The following MYO18B variants were observed in gnomAD, a reference collection of about 807,000 sequenced individuals.
MYO18B encodes the protein unconventional myosin-XVIIIb.
Under a neutral mutation model 273.0 loss-of-function variants are expected in MYO18B, and 204 were observed. The observed-to-expected ratio is 0.75, with a 90% CI of 0.67 to 0.84. The LOEUF (loss-of-function observed/expected upper bound fraction) is 0.84. Among genes scored for constraint, MYO18B ranks in the 40% least tolerant of loss-of-function variants. MYO18B has a pLI of 0.00. For synonymous variants in MYO18B, 1,330 were observed against 1,305.7 expected, an observed-to-expected ratio of 1.02 and a Z score of -0.40; for missense variants, 3,212 against 3,287.6, an observed-to-expected ratio of 0.98 and a Z score of 0.56.
intron 15 of MYO18B, among the ~76,000 whole-genome samples, chr22:25,830,933 A>AT (rs1424801881): frequency 6.6e-6 from 1 of 152,160 alleles, no homozygotes. Context: ...TGTAACAGCT[A>AT]TTTTATTTTT....
At chr22:25,760,431 A>C (rs972826597) in intron 1 of MYO18B, among the ~76,000 whole-genome samples, 1 of 149,884 alleles carries the variant, frequency 6.7e-6, no homozygotes, top group Admixed American at 6.7e-5. Context: ...AAAAAAAAAA[A>C]AAACACAAAA....
intron 11 of MYO18B, among the ~76,000 whole-genome samples, chr22:25,795,933 T>C (rs2087888384): frequency 6.6e-6 from 1 of 152,186 alleles, no homozygotes; most frequent in Non-Finnish European, 1.5e-5. Flanking sequence ...GATACTAATT[T>C]GCTGTGTGAC....
At chr22:25,935,002 C>A (rs2092558436) in intron 34 of MYO18B, among the ~76,000 whole-genome samples, 1 of 152,058 alleles carries the variant, frequency 6.6e-6, no homozygotes, top group Non-Finnish European at 1.5e-5. Context: ...GGTGTGTTTT[C>A]TTTTTAGCAA....
chr22:25,892,681 T>G (rs1223289597), intron 27 of MYO18B: 2 of 152,188 alleles, frequency 1.3e-5, no homozygotes, highest in Non-Finnish European at 2.9e-5. Context: ...TCTGTTTCAT[T>G]CTTGTTCTTG....
intron 11 of MYO18B, among the ~76,000 whole-genome samples, chr22:25,786,230 A>C (rs1451958805): frequency 1.3e-5 from 2 of 152,176 alleles, no homozygotes; most frequent in East Asian, 3.8e-4. Context: ...GGAGACACAG[A>C]CTTGGAAATT....
intron 39 of MYO18B, among the ~76,000 whole-genome samples, chr22:25,987,283 T>A (rs1306480787): frequency 6.6e-6 from 1 of 152,228 alleles, no homozygotes; most frequent in East Asian, 1.9e-4. Context: ...GAGATGATTT[T>A]AATTGCAGCC....
intron 11 of MYO18B, among the ~76,000 whole-genome samples, chr22:25,792,492 C>CTTTTTTTTTTTTTTT (rs56047312): frequency 6.2e-4 from 20 of 32,386 alleles, no homozygotes; most frequent in Non-Finnish European, 8.8e-4. Flanking sequence ...TTTTTTTTTT[C>CTTTTTTTTTTTTTTT]TTTTCTTTTT....
At chr22:25,926,065 T>G (rs1170300279) in intron 34 of MYO18B, among the ~76,000 whole-genome samples, 2 of 151,484 alleles carry the variant, frequency 1.3e-5, no homozygotes, top group Admixed American at 6.6e-5. Context: ...ATTAGCCAGA[T>G]GCAGTGACAG....
chr22:25,905,382 T>C (rs2092021476), intron 31 of MYO18B, among the ~76,000 whole-genome samples: 1 of 152,178 alleles, frequency 6.6e-6, no homozygotes, highest in African/African-American at 2.4e-5. Flanking sequence ...ATGCACTCTG[T>C]GGATGCTGAG....
At chr22:26,020,719 C>T (rs1222860845) in intron 42 of MYO18B, among the ~76,000 whole-genome samples, 1 of 152,084 alleles carries the variant, frequency 6.6e-6, no homozygotes, top group Non-Finnish European at 1.5e-5. Context: ...TGCATCATCT[C>T]TCATTTCTAA....
intron 17 of MYO18B, among the ~76,000 whole-genome samples, chr22:25,838,389 G>A (rs1441901569): frequency 6.6e-6 from 1 of 152,000 alleles, no homozygotes; most frequent in Non-Finnish European, 1.5e-5. Context: ...TAATAGAGAT[G>A]GGGTGTCACC....
At chr22:25,903,364 A>G in intron 30 of MYO18B, 1 of 439,038 alleles carries the variant, frequency 2.3e-6, no homozygotes, top group Non-Finnish European at 4.1e-6. Context: ...CCCTTCCTGT[A>G]GGTGCTCTGA....
intron 21 of MYO18B, among the ~76,000 whole-genome samples, chr22:25,855,957 G>C (rs930502642): frequency 6.6e-6 from 1 of 151,974 alleles, no homozygotes; most frequent in Non-Finnish European, 1.5e-5. Flanking sequence ...AGCATGGTAC[G>C]CAATAGGTAG....
intron 7 of MYO18B, among the ~76,000 whole-genome samples, chr22:25,774,000 C>T (rs1281039652): frequency 6.6e-6 from 1 of 152,116 alleles, no homozygotes; most frequent in Admixed American, 6.5e-5. Flanking sequence ...AAGTCAGAAG[C>T]CCCTAGGACA....
chr22:25,951,854 G>T (rs2092796037), intron 37 of MYO18B, among the ~76,000 whole-genome samples: 1 of 152,090 alleles, frequency 6.6e-6, no homozygotes, highest in African/African-American at 2.4e-5. Flanking sequence ...AGAAACCAAG[G>T]CTCAAGGAAA....
At chr22:25,771,553 TC>T (rs1301118475) in intron 6 of MYO18B, among the ~76,000 whole-genome samples, 2 of 152,110 alleles carry the variant, frequency 1.3e-5, no homozygotes, top group Non-Finnish European at 2.9e-5. Flanking sequence ...TCATGCCCTT[TC>T]CCCCCGCCCC....
intron 25 of MYO18B, among the ~76,000 whole-genome samples, chr22:25,882,520 A>G (rs973517336): frequency 3.9e-5 from 6 of 152,228 alleles, no homozygotes; most frequent in Non-Finnish European, 8.8e-5. Flanking sequence ...AGGGATGGGT[A>G]GGAGCACTTT....
chr22:25,979,103 G>A (rs1023101756), intron 39 of MYO18B, among the ~76,000 whole-genome samples: 2 of 152,186 alleles, frequency 1.3e-5, no homozygotes, highest in African/African-American at 2.4e-5. Context: ...TTGTTCCCAC[G>A]CTACACTTCT....
intron 8 of MYO18B, among the ~76,000 whole-genome samples, chr22:25,778,203 C>G (rs1019679860): frequency 2.6e-5 from 4 of 152,062 alleles, no homozygotes; most frequent in Non-Finnish European, 4.4e-5. Flanking sequence ...AGGGCAGAGT[C>G]TACACTCATG....
Sources: allele counts gnomAD v4.1 joint callset (sites outside exome capture counted in the v4.1 genomes callset), GRCh38; gene constraint gnomAD v4.1.1; transcripts MANE v1.5; gene names NCBI Gene and HGNC (gene_info 2026-07-23, HGNC 2026-07-21).